The following SH3RF1 variants were observed in gnomAD, a reference collection of about 807,000 sequenced individuals.
The protein encoded by SH3RF1 is E3 ubiquitin-protein ligase SH3RF1.
SH3RF1 carries 32 observed loss-of-function variants against 74.0 expected under a neutral mutation model. The ratio of observed to expected loss-of-function variants is 0.43; its 90% CI spans 0.33 to 0.58. The LOEUF is 0.58. Ranked by LOEUF, SH3RF1 falls within the 20% of genes least tolerant of loss-of-function variation. The probability of loss-of-function intolerance (pLI) is 0.05; values close to 1 mark genes in which losing one functional copy is unlikely to be tolerated. For synonymous variants in SH3RF1, 396 were observed against 439.6 expected (o/e 0.90, Z 1.24); for missense variants, 954 against 1,130.9 (o/e 0.84, Z 2.24).
intron 2 of SH3RF1, among the ~76,000 whole-genome samples, chr4:169,230,160 C>T (rs745325889): frequency 9.9e-5 from 15 of 152,176 alleles, no homozygotes; most frequent in Admixed American, 2.0e-4. Context: ...GCCAAGATCA[C>T]GCTGCTCCAG....
chr4:169,249,518 C>G (rs1232788557), intron 2 of SH3RF1, among the ~76,000 whole-genome samples: 1 of 152,182 alleles, frequency 6.6e-6, no homozygotes, highest in Non-Finnish European at 1.5e-5. Flanking sequence ...TTCCCAGTCT[C>G]TAGTTACAGC....
intron 2 of SH3RF1, among the ~76,000 whole-genome samples, chr4:169,257,408 C>T (rs1731207697): frequency 6.6e-6 from 1 of 152,204 alleles, no homozygotes. Flanking sequence ...TGACTTACTC[C>T]TGTTGACTCT....
At chr4:169,122,288 GAGAAA>G in intron 6 of SH3RF1, 22 bp from the exon 7 acceptor site, 1 of 1,546,406 alleles carries the variant, frequency 6.5e-7, no homozygotes, top group Non-Finnish European at 8.7e-7. Context: ...AAAACATAAA[GAGAAA>G]GGGAAAAAAG....
chr4:169,133,694 T>C (rs561794551), intron 5 of SH3RF1, among the ~76,000 whole-genome samples: 12 of 151,952 alleles, frequency 7.9e-5, no homozygotes, highest in Non-Finnish European at 1.5e-4. Context: ...GGAGAATTGC[T>C]TGAACCCAGG....
rs530597173 is a variant in SH3RF1 at position 169,101,345 on chromosome 4, A to G, written c.2499-4658T>C. Among the ~76,000 whole-genome samples the G allele has an allele frequency of 1.6e-4, 25 of 152,348 alleles. 1 individual carries two copies. The South Asian group carries it at 5.2e-3, about 32-fold the overall frequency. ...AACCTTGCAAACGTTATGCTAAGTG[A>G]AATAAGCTGCATGCACACAGAAGGA... On this transcript the variant is annotated intron_variant, in intron 11 of 11. Transcript: ENST00000284637.
intron 7 of SH3RF1, 32 bp from the exon 8 acceptor site, chr4:169,121,021 T>G: frequency 1.8e-5 from 29 of 1,574,038 alleles, no homozygotes; most frequent in Non-Finnish European, 2.5e-5. Flanking sequence ...GATTTCAGGT[T>G]GAGTAACAGA....
At chr4:169,168,525 C>T (rs1734280450) in intron 2 of SH3RF1, among the ~76,000 whole-genome samples, 1 of 152,164 alleles carries the variant, frequency 6.6e-6, no homozygotes, top group Admixed American at 6.5e-5. Flanking sequence ...TAGAATAAGT[C>T]TTCAAATACC....
intron 2 of SH3RF1, among the ~76,000 whole-genome samples, chr4:169,260,837 G>A (rs1731265965): frequency 6.6e-6 from 1 of 152,168 alleles, no homozygotes; most frequent in Non-Finnish European, 1.5e-5. Context: ...GTTCATGTCT[G>A]TATTTTATGT....
chr4:169,097,180 G>C (rs956507840), intron 11 of SH3RF1, among the ~76,000 whole-genome samples: 4 of 152,174 alleles, frequency 2.6e-5, no homozygotes, highest in African/African-American at 4.8e-5. Flanking sequence ...ACAGAGGTCA[G>C]GAAGGTGAGT....
rs555680571 is a variant in SH3RF1, at chr4:169,177,975, T to C, written c.394-21296A>G. Reference sequence around the variant, plus strand: ...GAGAGTAAAAAAGAACTTTTTTTGGTTGGGCACGGTGGCTCATGCCTTTGG... The same window carrying C: ...GAGAGTAAAAAAGAACTTTTTTTGGCTGGGCACGGTGGCTCATGCCTTTGG... On this transcript the variant is annotated intron_variant, in intron 2 of 11. Transcript: ENST00000284637. 1.3e-3 allele frequency among the ~76,000 whole-genome samples: 198 copies of C among 152,104 alleles called. 1 individual carries two copies. The highest frequency in any genetic ancestry group is 4.4e-3 in the African/African-American group (184 of 41,514).
chr4:169,249,519 T>C (rs1731062592), intron 2 of SH3RF1, among the ~76,000 whole-genome samples: 1 of 152,222 alleles, frequency 6.6e-6, no homozygotes. Context: ...TCCCAGTCTC[T>C]AGTTACAGCA....
At position 169,192,256 on chromosome 4, in the gene SH3RF1, G is replaced by A. The variant is rs937607179; in HGVS notation, c.394-35577C>T. Reference sequence around the variant, plus strand: ...GGACATGAATAGACAGTTCGCAAAAGAAGATATACAAATGGCCAACAAACA... The same window carrying A: ...GGACATGAATAGACAGTTCGCAAAAAAAGATATACAAATGGCCAACAAACA... On this transcript the variant is annotated intron_variant, in intron 2 of 11. Transcript: ENST00000284637. Among the ~76,000 whole-genome samples the A allele has an allele frequency of 4.6e-5, 7 of 151,356 alleles. No homozygotes were observed. The East Asian group carries it at 1.4e-3, about 29-fold the overall frequency.
intron 2 of SH3RF1, among the ~76,000 whole-genome samples, chr4:169,236,336 A>G (rs902962829): frequency 1.3e-5 from 2 of 152,200 alleles, no homozygotes; most frequent in African/African-American, 2.4e-5. Context: ...GCTGAGATGG[A>G]GCCTTTGTCG....
At chr4:169,226,160 C>T (rs753626706) in intron 2 of SH3RF1, among the ~76,000 whole-genome samples, 44 of 152,092 alleles carry the variant, frequency 2.9e-4, no homozygotes, top group South Asian at 1.0e-3. Context: ...GTTTAGTGCA[C>T]TTAATATGAA....
At chr4:169,207,708 T>C (rs1355161181) in intron 2 of SH3RF1, among the ~76,000 whole-genome samples, 3 of 152,230 alleles carry the variant, frequency 2.0e-5, no homozygotes, top group Admixed American at 6.5e-5. Flanking sequence ...TAGAATGTGA[T>C]GGCTGGGCCA....
chr4:169,225,472 T>C (rs1730642508), intron 2 of SH3RF1, among the ~76,000 whole-genome samples: 1 of 151,828 alleles, frequency 6.6e-6, no homozygotes, highest in Non-Finnish European at 1.5e-5. Flanking sequence ...GCTAGGGACA[T>C]GAGGAAGGGA....
chr4:169,219,834 T>C (rs1354993108), intron 2 of SH3RF1, among the ~76,000 whole-genome samples: 2 of 152,232 alleles, frequency 1.3e-5, no homozygotes, highest in Non-Finnish European at 2.9e-5. Context: ...ATTATTTACA[T>C]GTCGCCCTGT....
At chr4:169,139,420 T>G (rs1001648068) in intron 4 of SH3RF1, among the ~76,000 whole-genome samples, 2 of 152,252 alleles carry the variant, frequency 1.3e-5, no homozygotes, top group African/African-American at 4.8e-5. Context: ...TTTATCCATA[T>G]TGCTCCATGA....
At chr4:169,104,823 C>T (rs1024007788) in intron 11 of SH3RF1, among the ~76,000 whole-genome samples, 1 of 151,654 alleles carries the variant, frequency 6.6e-6, no homozygotes, top group African/African-American at 2.4e-5. Flanking sequence ...ATCACTTGAA[C>T]CCGGGAAATG....
Sources: allele counts gnomAD v4.1 joint callset (sites outside exome capture counted in the v4.1 genomes callset), GRCh38; gene constraint gnomAD v4.1.1; transcripts MANE v1.5; gene names NCBI Gene and HGNC (gene_info 2026-07-23, HGNC 2026-07-21).